The following CSMD3 variants were observed in gnomAD, a reference collection of about 807,000 sequenced individuals.
CSMD3 encodes the protein CUB and Sushi multiple domains 3.
CSMD3 carries 177 observed loss-of-function variants against 435.2 expected under a neutral mutation model. The observed-to-expected ratio is 0.41, with a 90% CI of 0.36 to 0.46. CSMD3 has a LOEUF of 0.46. Among genes scored for constraint, CSMD3 ranks in the 20% least tolerant of loss-of-function variants. CSMD3 has a pLI of 0.34. For synonymous variants in CSMD3, 1,656 were observed against 1,520.5 expected, an observed-to-expected ratio of 1.09 and a Z score of -2.07; for missense variants, 4,265 against 4,504.6, an observed-to-expected ratio of 0.95 and a Z score of 1.52.
At chr8:113,345,196 T>C (rs72670771) in intron 1 of CSMD3, among the ~76,000 whole-genome samples, 1,749 of 152,216 alleles carry the variant, frequency 0.011, 19 homozygotes, top group Non-Finnish European at 0.018. Flanking sequence ...AAAGGATAAG[T>C]CTATAAACCC....
chr8:113,132,275 T>A (rs1588129864), intron 4 of CSMD3, among the ~76,000 whole-genome samples: 1 of 152,080 alleles, frequency 6.6e-6, no homozygotes, highest in Non-Finnish European at 1.5e-5. Context: ...AATGAATAAT[T>A]GTATTTTGCT....
chr8:112,908,448 A>C (rs1001699474), intron 10 of CSMD3, among the ~76,000 whole-genome samples: 2 of 151,474 alleles, frequency 1.3e-5, no homozygotes, highest in African/African-American at 4.8e-5. Context: ...TCTGTTCTAT[A>C]ATTTGTTTGA....
At chr8:113,296,291 T>TA (rs2093721099) in intron 2 of CSMD3, among the ~76,000 whole-genome samples, 2 of 146,228 alleles carry the variant, frequency 1.4e-5, no homozygotes, top group African/African-American at 5.0e-5. Flanking sequence ...GAACTTAAAG[T>TA]ATAATAATAA....
intron 5 of CSMD3, among the ~76,000 whole-genome samples, chr8:113,085,302 G>C (rs1218085399): frequency 6.6e-6 from 1 of 151,570 alleles, no homozygotes; most frequent in African/African-American, 2.4e-5. Flanking sequence ...ATAGGTGCTT[G>C]AGAAAAGGAA....
chr8:113,376,654 G>T, intron 1 of CSMD3: 1 of 1,491,306 alleles, frequency 6.7e-7, no homozygotes, highest in Non-Finnish European at 9.3e-7. Context: ...ACCTGGCCAG[G>T]CAGGAGGCGC....
chr8:112,972,300 A>T (rs1283790025), intron 7 of CSMD3, among the ~76,000 whole-genome samples: 1 of 151,972 alleles, frequency 6.6e-6, no homozygotes, highest in Non-Finnish European at 1.5e-5. Context: ...ACTTGCAGAC[A>T]TCGAACGGAC....
At chr8:113,038,602 G>T (rs2087461671) in intron 5 of CSMD3, among the ~76,000 whole-genome samples, 1 of 152,136 alleles carries the variant, frequency 6.6e-6, no homozygotes, top group African/African-American at 2.4e-5. Context: ...TCTCAGTGAG[G>T]GGAAAATATT....
At chr8:112,586,831 T>C (rs977869199) in intron 23 of CSMD3, among the ~76,000 whole-genome samples, 2 of 136,600 alleles carry the variant, frequency 1.5e-5, no homozygotes, top group Non-Finnish European at 3.1e-5. Context: ...TTATGTATCA[T>C]AAAACAAAAA....
At chr8:112,614,628 T>C (rs1022252799) in intron 22 of CSMD3, among the ~76,000 whole-genome samples, 2 of 152,086 alleles carry the variant, frequency 1.3e-5, no homozygotes, top group African/African-American at 4.8e-5. Context: ...ATCTGTTCCA[T>C]CTAGAGCTTT....
intron 1 of CSMD3, among the ~76,000 whole-genome samples, chr8:113,396,402 C>T (rs1482838294): frequency 6.6e-6 from 1 of 152,094 alleles, no homozygotes; most frequent in Non-Finnish European, 1.5e-5. Context: ...TACTGGAGTA[C>T]AACTAATAAG....
chr8:112,324,582 GGTGTGT>G (rs145199349), intron 45 of CSMD3, among the ~76,000 whole-genome samples: 1 of 149,168 alleles, frequency 6.7e-6, no homozygotes, highest in Non-Finnish European at 1.5e-5. Context: ...TGTGTGTGTG[GGTGTGT>G]GTGTGTGTGT....
At chr8:113,359,622 C>T (rs1449078845) in intron 1 of CSMD3, among the ~76,000 whole-genome samples, 2 of 152,194 alleles carry the variant, frequency 1.3e-5, no homozygotes, top group Non-Finnish European at 2.9e-5. Flanking sequence ...GCAGTATCCA[C>T]ATAAAAGAAA....
intron 9 of CSMD3, among the ~76,000 whole-genome samples, chr8:112,934,460 G>A (rs947141410): frequency 5.3e-4 from 81 of 152,150 alleles, no homozygotes; most frequent in African/African-American, 1.9e-3. Context: ...CTACTAGCTT[G>A]AAGTAATTCA....
intron 22 of CSMD3, among the ~76,000 whole-genome samples, chr8:112,609,252 C>CAAAACAT (rs1018223769): frequency 6.2e-5 from 6 of 96,702 alleles, no homozygotes; most frequent in African/African-American, 2.4e-4. Context: ...AAAATATTTG[C>CAAAACAT]AAAACATATA....
At position 112,531,581 on chromosome 8, in the gene CSMD3, A is replaced by G. The variant is rs1218703388; in HGVS notation, c.4565-14356T>C. 2.0e-5 allele frequency among the ~76,000 whole-genome samples: 3 copies of G among 152,104 alleles called. No homozygotes were observed. In the East Asian group the frequency reaches 5.8e-4, roughly 29 times the overall value. ...CTGGCAACCCAAGAAATTTTCCATG[A>G]TCTCCCAAAAGTCCATCAGAAATAA... On this transcript the variant is annotated intron_variant, in intron 27 of 70. Transcript: ENST00000297405.
intron 46 of CSMD3, 123 bp downstream of exon 46, chr8:112,319,778 C>G (rs1822818669): frequency 1.3e-6 from 1 of 749,934 alleles, no homozygotes; most frequent in South Asian, 1.4e-5. Flanking sequence ...TCTAAATAAT[C>G]TCTATCAACA....
chr8:112,532,391 A>G (rs1023281424), intron 27 of CSMD3, among the ~76,000 whole-genome samples: 3 of 152,172 alleles, frequency 2.0e-5, no homozygotes, highest in Admixed American at 6.6e-5. Flanking sequence ...AGAGTCAATC[A>G]AAATAACACT....
chr8:112,665,011 C>T (rs1439635321), intron 17 of CSMD3, among the ~76,000 whole-genome samples: 1 of 152,002 alleles, frequency 6.6e-6, no homozygotes, highest in Non-Finnish European at 1.5e-5. Context: ...TAGCTTAAAA[C>T]CTCCTGTATA....
chr8:112,841,208 C>A (rs1424687232), intron 11 of CSMD3, among the ~76,000 whole-genome samples: 7 of 151,528 alleles, frequency 4.6e-5, no homozygotes, highest in African/African-American at 1.7e-4. Flanking sequence ...CTCAAAGGGG[C>A]CTCTATGATC....
Sources: gnomAD v4.1 joint callset for allele counts (sites outside exome capture counted in the v4.1 genomes callset) on GRCh38, gnomAD v4.1.1 for gene constraint, MANE v1.5 for transcripts, NCBI Gene and HGNC (gene_info 2026-07-23, HGNC 2026-07-21) for gene names.